Variants in NFATC1 observed in about 807,000 individuals in gnomAD.
NFATC1 encodes nuclear factor of activated T-cells, cytoplasmic 1.
NFATC1 carries 22 observed loss-of-function variants against 76.0 expected under a neutral mutation model. The observed-to-expected ratio is 0.29, with a 90% CI of 0.21 to 0.41. NFATC1 has a LOEUF of 0.41. NFATC1 is among the 10% of genes least tolerant of loss of function. The probability of loss-of-function intolerance (pLI) is 1.00; values close to 1 mark genes in which losing one functional copy is unlikely to be tolerated. For missense variants in NFATC1, 1,357 were observed against 1,337.7 expected, an observed-to-expected ratio of 1.01 and a Z score of -0.23; for synonymous variants, 704 against 613.1, an observed-to-expected ratio of 1.15 and a Z score of -2.19.
intron 2 of NFATC1, among the ~76,000 whole-genome samples, chr18:79,426,665 C>A (rs141994425): frequency 6.6e-6 from 1 of 152,238 alleles, no homozygotes; most frequent in Admixed American, 6.5e-5. Flanking sequence ...GCGGGAAGCC[C>A]GGACCCCCCT....
chr18:79,480,341 G>A (rs1471428741), intron 8 of NFATC1, among the ~76,000 whole-genome samples: 1 of 152,164 alleles, frequency 6.6e-6, no homozygotes, highest in Non-Finnish European at 1.5e-5. Flanking sequence ...GGGGGGACAG[G>A]AGCTGCCAAC....
At chr18:79,398,047 T>C (rs1468577571) in intron 1 of NFATC1, among the ~76,000 whole-genome samples, 1 of 152,102 alleles carries the variant, frequency 6.6e-6, no homozygotes, top group African/African-American at 2.4e-5. Flanking sequence ...CGGGAAGAAC[T>C]CTGAGTCCTT....
At chr18:79,491,274 A>G (rs1488788878) in intron 9 of NFATC1, among the ~76,000 whole-genome samples, 5 of 152,166 alleles carry the variant, frequency 3.3e-5, no homozygotes, top group Non-Finnish European at 5.9e-5. Flanking sequence ...GAAGAATAGG[A>G]AGCACAGGGC....
intron 7 of NFATC1, among the ~76,000 whole-genome samples, chr18:79,466,657 G>A (rs1187794111): frequency 6.6e-6 from 1 of 152,254 alleles, no homozygotes; most frequent in Non-Finnish European, 1.5e-5. Context: ...GCCCTCTGCT[G>A]TCTGTGCCTC....
In NFATC1 at chr18:79,451,657, C is replaced by G. The variant is rs368141487; in HGVS notation, c.1763-19C>G. The G allele has an allele frequency of 1.9e-6, 3 of 1,570,968 alleles. No individual in the cohort carries two copies. In the East Asian group the frequency reaches 6.9e-5, roughly 36 times the overall value. On this transcript the variant is annotated intron_variant, in intron 5 of 9. Coordinates refer to ENST00000427363, the MANE Select transcript of NFATC1 (RefSeq NM_001278669.2). ...CCCACTCAGGACAGGCCCTCACTGCCCCTCTCCTTCTGATGCAGCCCAGCG... is the reference window on the plus strand; with the variant it reads ...CCCACTCAGGACAGGCCCTCACTGCGCCTCTCCTTCTGATGCAGCCCAGCG...
intron 6 of NFATC1, among the ~76,000 whole-genome samples, chr18:79,455,175 C>G (rs961890777): frequency 3.3e-5 from 5 of 152,272 alleles, no homozygotes; most frequent in Middle Eastern, 3.2e-3. Flanking sequence ...CGCGTCTGTT[C>G]TGGTGCCGTT....
At chr18:79,429,144 C>A (rs534220331) in intron 2 of NFATC1, among the ~76,000 whole-genome samples, 1 of 150,818 alleles carries the variant, frequency 6.6e-6, no homozygotes, top group African/African-American at 2.4e-5. Flanking sequence ...TTGCTTGAAC[C>A]TGGGAGGCGG....
chr18:79,524,553 C>T lies in NFATC1; in HGVS notation c.2783-2975C>T, dbSNP rs1015557956. On this transcript the variant is annotated intron_variant, in intron 9 of 9. Coordinates refer to ENST00000427363, the MANE Select transcript of NFATC1 (RefSeq NM_001278669.2). The surrounding 1 kb of genome is among the most constrained non-coding windows in gnomAD (Gnocchi z 7.2). ...ACCTTGTGGAACACACTTGACCCGG[C>T]GCTGGGACGGGGTCGGCCCACACGC... Among the ~76,000 whole-genome samples, 5 of 152,178 alleles carry T rather than the reference C, an allele frequency of 3.3e-5. No individual in the cohort carries two copies. The South Asian group carries it at 6.2e-4, about 19-fold the overall frequency.
At chr18:79,453,730 C>G (rs1158932340) in intron 6 of NFATC1, among the ~76,000 whole-genome samples, 1 of 152,190 alleles carries the variant, frequency 6.6e-6, no homozygotes, top group Non-Finnish European at 1.5e-5. Context: ...CTCGAGAGCA[C>G]GTGAAGCTGT....
chr18:79,484,274 G>A (rs193063032), intron 8 of NFATC1, among the ~76,000 whole-genome samples: 6 of 152,240 alleles, frequency 3.9e-5, no homozygotes, highest in Admixed American at 3.9e-4. Flanking sequence ...TGCCTGGGCT[G>A]CAGAGCCCCA....
rs1182636983 is a variant in NFATC1 at position 79,527,750 on chromosome 18, C to G, written c.*173C>G. ...ATTGGCTCTCCAACAAGAAGGAAAG[C>G]AGGGAGGAAGGGAGACCACTGTGTC... On this transcript the variant is annotated 3_prime_UTR_variant, in exon 10 of 10. Transcript: ENST00000427363. 8 of 631,968 alleles carry G rather than the reference C, an allele frequency of 1.3e-5. No individual in the cohort carries two copies. 39.1% of individuals were successfully genotyped at this position (631,968 alleles called of 1,614,324 possible).
intron 1 of NFATC1, among the ~76,000 whole-genome samples, chr18:79,408,489 A>G (rs1280816923): frequency 6.6e-6 from 1 of 152,240 alleles, no homozygotes; most frequent in Non-Finnish European, 1.5e-5. Context: ...ATTAACACAT[A>G]ATGATTCTTA....
chr18:79,515,838 T>C (rs1392110964), intron 9 of NFATC1: 1 of 152,136 alleles, frequency 6.6e-6, no homozygotes, highest in Non-Finnish European at 1.5e-5. Context: ...GTTAATTCTG[T>C]TTGAAATGGA....
At chr18:79,434,738 A>T (rs1339757637) in intron 3 of NFATC1, among the ~76,000 whole-genome samples, 1 of 152,232 alleles carries the variant, frequency 6.6e-6, no homozygotes, top group Non-Finnish European at 1.5e-5. Context: ...TTCCATTTAG[A>T]TAAATAGTGG....
At chr18:79,488,529 C>G (rs920716507) in intron 9 of NFATC1, among the ~76,000 whole-genome samples, 4 of 152,264 alleles carry the variant, frequency 2.6e-5, no homozygotes, top group African/African-American at 9.6e-5. Context: ...GGACAGTGTT[C>G]CGTGTCCTGT....
chr18:79,451,738 G>T lies in NFATC1; in HGVS notation c.1825G>T (p.Val609Leu). The T allele has an allele frequency of 6.2e-7, 1 of 1,613,060 alleles. No individual in the cohort carries two copies. The highest frequency in any genetic ancestry group is 1.7e-4 in the Middle Eastern group (1 of 6,056). ...GCAGAGCACGGACAGCTATCCGGTC[G>T]TGGGCGGGAAGAAGATGGTCCTGTC... Reference protein sequence around the residue: ...EKQSTDSYPVVGGKKMVLSGH... With the variant: ...EKQSTDSYPVLGGKKMVLSGH... The change falls in exon 6 of 10, where the codon GTG becomes TTG. Residue 609 changes from valine to leucine, a missense_variant. By Grantham distance (32) the Val-to-Leu change is conservative. Transcript: ENST00000427363.
chr18:79,501,574 T>G (rs772267832), intron 9 of NFATC1, among the ~76,000 whole-genome samples: 1 of 152,006 alleles, frequency 6.6e-6, no homozygotes, highest in Non-Finnish European at 1.5e-5. Flanking sequence ...TGATTCTATA[T>G]GTAGAAAATC....
At chr18:79,482,503 G>C (rs187296731) in intron 8 of NFATC1, among the ~76,000 whole-genome samples, 383 of 140,744 alleles carry the variant, frequency 2.7e-3, no homozygotes, top group Middle Eastern at 5.3e-3. Context: ...GTTTCCTGGG[G>C]TGTCATTCCA....
At chr18:79,399,501 G>A (rs1032612343) in intron 1 of NFATC1, among the ~76,000 whole-genome samples, 1 of 152,254 alleles carries the variant, frequency 6.6e-6, no homozygotes, top group Non-Finnish European at 1.5e-5. Flanking sequence ...CGGAGAGCCC[G>A]GGGGAAGTTA....
Sources: allele counts gnomAD v4.1 joint callset (sites outside exome capture counted in the v4.1 genomes callset), GRCh38; gene constraint gnomAD v4.1.1; non-coding constraint Gnocchi (gnomAD v3.1); transcripts MANE v1.5; gene names NCBI Gene and HGNC (gene_info 2026-07-23, HGNC 2026-07-21).